The following TMEM217B variants were observed in gnomAD, a reference collection of about 807,000 sequenced individuals.
TMEM217B encodes the protein putative transmembrane protein 217B.
chr6:37,233,564 G>A, the TMEM217B span, among the ~76,000 whole-genome samples: 1 of 152,230 alleles, frequency 6.6e-6, no homozygotes, highest in South Asian at 2.1e-4. Context: ...CAAAGTTGGC[G>A]CCCTCATGAC....
chr6:37,213,447 C>G, the TMEM217B span, among the ~76,000 whole-genome samples: 90 of 152,378 alleles, frequency 5.9e-4, no homozygotes, highest in Non-Finnish European at 1.1e-3. Context: ...CCCCACTACT[C>G]TTTCCTTCCA....
chr6:37,246,758 A>G, the TMEM217B span, among the ~76,000 whole-genome samples: 1 of 152,110 alleles, frequency 6.6e-6, no homozygotes, highest in Non-Finnish European at 1.5e-5. Context: ...TTTAAAAATT[A>G]GCTGATGTGG....
the TMEM217B span, among the ~76,000 whole-genome samples, chr6:37,232,379 T>C: frequency 6.6e-6 from 1 of 152,110 alleles, no homozygotes; most frequent in African/African-American, 2.4e-5. Context: ...TTTTCTGTTT[T>C]GTTTTGTTTT....
At chr6:37,215,701 C>A in the TMEM217B span, among the ~76,000 whole-genome samples, 1 of 150,628 alleles carries the variant, frequency 6.6e-6, no homozygotes, top group African/African-American at 2.4e-5. Flanking sequence ...GATGAAAAAT[C>A]ATTGGATGAG....
At chr6:37,215,591 A>G in the TMEM217B span, among the ~76,000 whole-genome samples, 1 of 149,628 alleles carries the variant, frequency 6.7e-6, no homozygotes, top group Non-Finnish European at 1.5e-5. Flanking sequence ...AAAAAAAAAA[A>G]AAAAAAAAAA....
chr6:37,231,859 CATT>C, the TMEM217B span, among the ~76,000 whole-genome samples: 2 of 150,614 alleles, frequency 1.3e-5, no homozygotes, highest in Non-Finnish European at 2.9e-5. Context: ...ACTTTCAGAC[CATT>C]ATTCTTCCTC....
chr6:37,258,102 T>G, the TMEM217B span: 1 of 1,059,382 alleles, frequency 9.4e-7, no homozygotes, highest in Non-Finnish European at 1.3e-6. Context: ...GACTGCCTGG[T>G]GGCGGCAGGG....
At chr6:37,216,597 G>C in the TMEM217B span, among the ~76,000 whole-genome samples, 2 of 152,252 alleles carry the variant, frequency 1.3e-5, no homozygotes, top group East Asian at 3.9e-4. Flanking sequence ...CCTCTGAGGC[G>C]AGGAGCACAG....
the TMEM217B span, among the ~76,000 whole-genome samples, chr6:37,246,377 T>C: frequency 6.6e-6 from 1 of 152,182 alleles, no homozygotes; most frequent in Non-Finnish European, 1.5e-5. Context: ...CAGGGCATGC[T>C]CTTCTCATAG....
the TMEM217B span, among the ~76,000 whole-genome samples, chr6:37,227,625 T>C: frequency 1.1e-3 from 171 of 152,110 alleles, 3 homozygotes; most frequent in East Asian, 0.032. Context: ...TTTGTATTTT[T>C]AGTAGAGGTG....
chr6:37,255,936 A>G, the TMEM217B span, among the ~76,000 whole-genome samples: 1 of 152,254 alleles, frequency 6.6e-6, no homozygotes, highest in Non-Finnish European at 1.5e-5. Context: ...AACAAACTGT[A>G]GAAATAACAG....
the TMEM217B span, among the ~76,000 whole-genome samples, chr6:37,252,631 ATATATATTTTTTTTT>A: frequency 1.3e-5 from 1 of 77,328 alleles, no homozygotes; most frequent in South Asian, 4.3e-4. Context: ...ATATATATAT[ATATATATTTTTTTTT>A]TTTTTTTTTT....
the TMEM217B span, among the ~76,000 whole-genome samples, chr6:37,214,389 A>G: frequency 1.2e-4 from 19 of 152,022 alleles, no homozygotes; most frequent in Non-Finnish European, 2.1e-4. Context: ...CAGCATGCCC[A>G]GCTAATTTTT....
chr6:37,243,926 A>C, the TMEM217B span, among the ~76,000 whole-genome samples: 14 of 152,202 alleles, frequency 9.2e-5, no homozygotes, highest in African/African-American at 2.9e-4. Flanking sequence ...AGGAGCCCAC[A>C]TGGAGTCAGC....
chr6:37,255,059 C>T, the TMEM217B span, among the ~76,000 whole-genome samples: 518 of 152,250 alleles, frequency 3.4e-3, 6 homozygotes, highest in South Asian at 0.015. Flanking sequence ...CATGCCCACC[C>T]GCCACTCACC....
chr6:37,252,308 C>T, the TMEM217B span, among the ~76,000 whole-genome samples: 2 of 151,848 alleles, frequency 1.3e-5, no homozygotes, highest in Non-Finnish European at 2.9e-5. Flanking sequence ...TTACACAGCC[C>T]CGAGAGCTTA....
At chr6:37,252,796 A>C in the TMEM217B span, among the ~76,000 whole-genome samples, 41 of 150,846 alleles carry the variant, frequency 2.7e-4, no homozygotes, top group African/African-American at 9.3e-4. Context: ...GTGCCACCAC[A>C]CTCCACTAAT....
At chr6:37,226,260 A>T in the TMEM217B span, among the ~76,000 whole-genome samples, 33,861 of 143,248 alleles carry the variant, frequency 0.24, 4,498 homozygotes, top group African/African-American at 0.34. Flanking sequence ...GTTTTGTTTT[A>T]TTTTGTTTTT....
the TMEM217B span, among the ~76,000 whole-genome samples, chr6:37,228,699 G>A: frequency 1.8e-4 from 27 of 151,774 alleles, no homozygotes; most frequent in Admixed American, 1.8e-3. Context: ...GCAAGATTTC[G>A]TTTCAATAAT....
Sources: gnomAD v4.1 joint callset for allele counts (sites outside exome capture counted in the v4.1 genomes callset) on GRCh38, gnomAD v4.1.1 for gene constraint, MANE v1.5 for transcripts, NCBI Gene and HGNC (gene_info 2026-07-23, HGNC 2026-07-21) for gene names.